The following COL24A1 variants were observed in gnomAD, a reference collection of about 807,000 sequenced individuals.
COL24A1 encodes the protein collagen type XXIV alpha 1 chain, also known as collagen alpha-1(XXIV) chain.
A neutral mutation model predicts 253.9 loss-of-function variants in COL24A1; 224 were observed. The ratio of observed to expected loss-of-function variants is 0.88; its 90% CI spans 0.79 to 0.99. COL24A1 has a LOEUF of 0.99. COL24A1 is among the 50% of genes least tolerant of loss of function. COL24A1 has a pLI of 0.00. For missense variants in COL24A1, 2,131 were observed against 2,068.5 expected (o/e 1.03, Z -0.59); for synonymous variants, 685 against 673.7 (o/e 1.02, Z -0.26).
In COL24A1 at chr1:85,786,393, T is replaced by G; in HGVS notation, c.4020A>C (p.Ser1340=). ...TTCCTGGGCTTCCTGGCAAGCCTGA[T>G]GAACCCTTTACTCCTGGAGGACCTG... is the stretch of plus-strand genomic sequence containing the variant. ...GAPGPPGVKG[S]SGLPGSPGIQ... Residue 1340 remains serine (S), a synonymous_variant, in exon 48 of 60, where the codon TCA becomes TCC. Coordinates refer to ENST00000370571, the MANE Select transcript of COL24A1 (RefSeq NM_152890.7). 1 of 1,613,882 alleles carries G rather than the reference T, an allele frequency of 6.2e-7. No homozygotes were observed. The highest frequency in any genetic ancestry group is 8.5e-7 in the Non-Finnish European group (1 of 1,179,858).
chr1:85,960,568 T>C (rs1189901992), intron 24 of COL24A1, among the ~76,000 whole-genome samples: 1 of 152,084 alleles, frequency 6.6e-6, no homozygotes, highest in Non-Finnish European at 1.5e-5. Context: ...TAAATTATTG[T>C]ATAATTTAAT....
intron 37 of COL24A1, among the ~76,000 whole-genome samples, chr1:85,859,840 T>A (rs1171281469): frequency 6.6e-6 from 1 of 152,208 alleles, no homozygotes; most frequent in Non-Finnish European, 1.5e-5. Flanking sequence ...AGAAGAATGC[T>A]ATTTTTTTGG....
chr1:85,943,885 A>C (rs1688985350), intron 24 of COL24A1, among the ~76,000 whole-genome samples: 2 of 152,368 alleles, frequency 1.3e-5, no homozygotes, highest in South Asian at 4.1e-4. Context: ...GGAAGTATAA[A>C]TTATGAAAAG....
chr1:85,829,505 T>A (rs988801423), intron 43 of COL24A1, among the ~76,000 whole-genome samples: 1 of 151,986 alleles, frequency 6.6e-6, no homozygotes, highest in Non-Finnish European at 1.5e-5. Context: ...CTGGATAATA[T>A]CCTGCAGAGT....
intron 24 of COL24A1, among the ~76,000 whole-genome samples, chr1:85,922,642 C>A (rs1486335940): frequency 1.3e-5 from 2 of 152,140 alleles, no homozygotes; most frequent in East Asian, 1.9e-4. Context: ...CACCACCAGG[C>A]CTGTCTTACA....
Position 85,910,021 on chromosome 1 carries a change from A to G in COL24A1, c.2617-18T>C, listed in dbSNP as rs1165704367. On this transcript the variant is annotated intron_variant, in intron 25 of 59. Transcript: ENST00000370571. ...CGTTCTCCCTTTTAAGAGAACAAAGAAAAAAGAGTAACATAGAGGCATATT... is the reference window on the plus strand; with the variant it reads ...CGTTCTCCCTTTTAAGAGAACAAAGGAAAAAGAGTAACATAGAGGCATATT... The G allele has an allele frequency of 6.2e-7, 1 of 1,601,728 alleles. No individual in the cohort carries two copies. Among genetic ancestry groups the G allele is most frequent in the Non-Finnish European group, 8.5e-7 (1 of 1,169,844 alleles).
At chr1:86,064,136 G>A (rs1701310737) in intron 7 of COL24A1, among the ~76,000 whole-genome samples, 2 of 152,044 alleles carry the variant, frequency 1.3e-5, no homozygotes, top group Non-Finnish European at 2.9e-5. Context: ...GTTGAATAGT[G>A]CTAAGACAAA....
chr1:86,127,794 G>A (rs1178495950), intron 2 of COL24A1, among the ~76,000 whole-genome samples: 1 of 152,028 alleles, frequency 6.6e-6, no homozygotes, highest in Non-Finnish European at 1.5e-5. Flanking sequence ...GCAAAAGATA[G>A]GAGAGAATCT....
At chr1:85,871,953 C>A (rs1021495180) in intron 35 of COL24A1, among the ~76,000 whole-genome samples, 4 of 152,162 alleles carry the variant, frequency 2.6e-5, no homozygotes, top group Non-Finnish European at 5.9e-5. Context: ...AAAACCCCAT[C>A]GTTTCAGCCC....
At chr1:85,951,809 G>A (rs894355490) in intron 24 of COL24A1, among the ~76,000 whole-genome samples, 1 of 152,116 alleles carries the variant, frequency 6.6e-6, no homozygotes, top group African/African-American at 2.4e-5. Context: ...GAAAAGTGCT[G>A]AGCATAACAA....
At chr1:86,099,864 T>C (rs1250139992) in intron 5 of COL24A1, among the ~76,000 whole-genome samples, 2 of 152,154 alleles carry the variant, frequency 1.3e-5, no homozygotes, top group Non-Finnish European at 2.9e-5. Context: ...CTGGATGATG[T>C]TATTTGCCTG....
chr1:85,758,523 AGGTCT>A (rs1295594926), intron 55 of COL24A1, among the ~76,000 whole-genome samples: 1 of 152,134 alleles, frequency 6.6e-6, no homozygotes, highest in African/African-American at 2.4e-5. Context: ...ATACACACTG[AGGTCT>A]GGTCATTACC....
intron 12 of COL24A1, among the ~76,000 whole-genome samples, chr1:86,045,378 C>T (rs1293441452): frequency 6.6e-6 from 1 of 152,018 alleles, no homozygotes; most frequent in Non-Finnish European, 1.5e-5. Flanking sequence ...TTTATTGGTC[C>T]TTTTATTAAT....
At chr1:86,149,533 A>G (rs1402551349) in intron 1 of COL24A1, among the ~76,000 whole-genome samples, 1 of 152,242 alleles carries the variant, frequency 6.6e-6, no homozygotes, top group Non-Finnish European at 1.5e-5. Context: ...TGTCTTAAGT[A>G]TAAAGTTGAA....
intron 47 of COL24A1, among the ~76,000 whole-genome samples, chr1:85,809,627 G>A (rs771773670): frequency 2.6e-5 from 4 of 151,828 alleles, no homozygotes; most frequent in Non-Finnish European, 5.9e-5. Context: ...AATAAAAGGG[G>A]CACAGTTCTG....
intron 32 of COL24A1, among the ~76,000 whole-genome samples, chr1:85,883,404 A>T (rs534610836): frequency 6.6e-6 from 1 of 151,854 alleles, no homozygotes; most frequent in African/African-American, 2.4e-5. Context: ...GTTTTTTGGT[A>T]GAGATGGGGT....
At chr1:85,851,024 C>CATATATATATATATATATATATCTACAT (rs149854934) in intron 37 of COL24A1, among the ~76,000 whole-genome samples, 3 of 146,054 alleles carry the variant, frequency 2.1e-5, no homozygotes, top group Non-Finnish European at 4.5e-5. Flanking sequence ...TATATATCTA[C>CATATATATATATATATATATATCTACAT]ATATATATAT....
intron 24 of COL24A1, among the ~76,000 whole-genome samples, chr1:85,916,887 C>A (rs1383317455): frequency 6.6e-6 from 1 of 152,154 alleles, no homozygotes; most frequent in Non-Finnish European, 1.5e-5. Context: ...TACAACTCAG[C>A]ACTTCTAGTT....
At chr1:85,957,380 A>C (rs112830905) in intron 24 of COL24A1, among the ~76,000 whole-genome samples, 3 of 152,318 alleles carry the variant, frequency 2.0e-5, no homozygotes, top group Non-Finnish European at 2.9e-5. Flanking sequence ...TAAATAAAAT[A>C]AAAGGGCCAG....
Sources: allele counts gnomAD v4.1 joint callset (sites outside exome capture counted in the v4.1 genomes callset), GRCh38; gene constraint gnomAD v4.1.1; transcripts MANE v1.5; gene names NCBI Gene and HGNC (gene_info 2026-07-23, HGNC 2026-07-21).